SHOC2: variants seen among roughly 807,000 people sequenced by gnomAD.
SHOC2 encodes SHOC2 leucine rich repeat scaffold protein, also known as leucine-rich repeat protein SHOC-2.
SHOC2 carries 4 observed loss-of-function variants against 50.2 expected under a neutral mutation model. The observed-to-expected ratio is 0.08, with a 90% CI of 0.04 to 0.18. The LOEUF (loss-of-function observed/expected upper bound fraction) is 0.18. Among genes scored for constraint, SHOC2 ranks in the 10% least tolerant of loss-of-function variants. The pLI is 1.00. For missense variants in SHOC2, 388 were observed against 669.6 expected (o/e 0.58, Z 4.64); for synonymous variants, 218 against 244.5 (o/e 0.89, Z 1.01).
chr10:110,998,822 C>G (rs559388968), intron 3 of SHOC2, among the ~76,000 whole-genome samples: 1 of 152,250 alleles, frequency 6.6e-6, no homozygotes, highest in African/African-American at 2.4e-5. Flanking sequence ...TTATGTGTAA[C>G]TTCACTCACT....
At chr10:110,999,736 C>CAAAAAAAAAAAAAAAAAAAAAA (rs145780250) in intron 3 of SHOC2, among the ~76,000 whole-genome samples, 8 of 81,674 alleles carry the variant, frequency 9.8e-5, no homozygotes, top group Non-Finnish European at 1.8e-4. Context: ...GACTCAGTCT[C>CAAAAAAAAAAAAAAAAAAAAAA]AAAAAAAAAA....
intron 2 of SHOC2, among the ~76,000 whole-genome samples, chr10:110,968,758 G>C (rs991821660): frequency 3.3e-5 from 5 of 151,990 alleles, no homozygotes; most frequent in Admixed American, 3.3e-4. Context: ...CTATGATTGC[G>C]CCACCGGACT....
chr10:110,940,907 T>G (rs1590786394), intron 1 of SHOC2, among the ~76,000 whole-genome samples: 2 of 14,700 alleles, frequency 1.4e-4, no homozygotes, highest in Admixed American at 1.2e-3. Context: ...GTATTTGTGG[T>G]GGGTTTTTTT....
intron 2 of SHOC2, among the ~76,000 whole-genome samples, chr10:110,967,081 G>A (rs999962256): frequency 2.6e-5 from 4 of 152,140 alleles, no homozygotes; most frequent in African/African-American, 9.7e-5. Flanking sequence ...AAGGATGGCT[G>A]TTGTTTGAGC....
intron 7 of SHOC2, 26 bp from the exon 8 acceptor site, chr10:111,009,685 ACT>A: frequency 1.5e-6 from 2 of 1,314,752 alleles, no homozygotes; most frequent in East Asian, 2.3e-5. Context: ...TATATTTGTA[ACT>A]CTCTTTTATT....
chr10:110,981,009 T>C (rs1847966294), intron 2 of SHOC2, among the ~76,000 whole-genome samples: 1 of 152,220 alleles, frequency 6.6e-6, no homozygotes, highest in Admixed American at 6.5e-5. Flanking sequence ...GAAACTTGTT[T>C]CATTTCCTGC....
chr10:110,964,293 A>C lies in SHOC2; in HGVS notation c.-66A>C. On this transcript the variant is annotated 5_prime_UTR_variant, in exon 2 of 9. Transcript: ENST00000369452. This position sits in a 1 kb window ranked among gnomAD's most constrained non-coding sequence, Gnocchi z 4.9. The stretch of plus-strand genomic sequence containing the variant: ...GATTGTGTAGGATCTTTGTCTCTTC[A>C]TCTTTGAATTCAATTACTGGAAAAT... The C allele has an allele frequency of 6.4e-7, 1 of 1,570,084 alleles. No individual in the cohort carries two copies. Among genetic ancestry groups the C allele is most frequent in the Non-Finnish European group, 8.6e-7 (1 of 1,159,338 alleles).
upstream of SHOC2, chr10:110,919,438 C>T (rs551424417): frequency 2.5e-5 from 10 of 393,550 alleles, no homozygotes; most frequent in Non-Finnish European, 4.0e-5. Flanking sequence ...CTTCTCTTGC[C>T]CCGGTTCCGC....
intron 1 of SHOC2, among the ~76,000 whole-genome samples, chr10:110,956,647 G>C (rs1249094418): frequency 6.6e-6 from 1 of 152,050 alleles, no homozygotes; most frequent in Non-Finnish European, 1.5e-5. Context: ...CTTCTTACAT[G>C]TTAAAAAATG....
At chr10:111,006,034 T>C (rs1373019996) in intron 5 of SHOC2, among the ~76,000 whole-genome samples, 1 of 152,254 alleles carries the variant, frequency 6.6e-6, no homozygotes, top group Non-Finnish European at 1.5e-5. Context: ...AGTCTGGTTA[T>C]ATGAGATTTA....
chr10:111,004,561 C>G, intron 4 of SHOC2, 45 bp from the exon 5 acceptor site: 4 of 1,399,438 alleles, frequency 2.9e-6, no homozygotes, highest in Non-Finnish European at 4.1e-6. Flanking sequence ...AAAAATGAGT[C>G]TCATCACAGT....
intron 4 of SHOC2, among the ~76,000 whole-genome samples, chr10:111,002,988 C>T (rs1198177291): frequency 1.3e-5 from 2 of 152,190 alleles, no homozygotes; most frequent in African/African-American, 2.4e-5. Context: ...TATTTTCAAT[C>T]GTGTAGCCTG....
At chr10:110,998,201 G>C (rs2134165342) in intron 3 of SHOC2, among the ~76,000 whole-genome samples, 1 of 152,148 alleles carries the variant, frequency 6.6e-6, no homozygotes, top group Admixed American at 6.5e-5. Flanking sequence ...GTTTCACCAT[G>C]TTGACCAGAC....
chr10:110,945,625 T>G (rs1245001795), intron 1 of SHOC2, among the ~76,000 whole-genome samples: 1 of 152,168 alleles, frequency 6.6e-6, no homozygotes, highest in Admixed American at 6.5e-5. Context: ...CGCCTCCACT[T>G]GGGCTTTGCC....
intron 1 of SHOC2, among the ~76,000 whole-genome samples, chr10:110,962,976 G>T (rs928864458): frequency 6.6e-6 from 1 of 152,040 alleles, no homozygotes; most frequent in East Asian, 1.9e-4. Flanking sequence ...ATACAGAGAG[G>T]TTCACATCCT....
intron 1 of SHOC2, among the ~76,000 whole-genome samples, chr10:110,925,700 A>G (rs528864070): frequency 6.6e-6 from 1 of 152,198 alleles, no homozygotes; most frequent in South Asian, 2.1e-4. Flanking sequence ...CAAACAATCC[A>G]CCTGCCTTGG....
chr10:111,009,487 C>A, intron 7 of SHOC2, 102 bp downstream of exon 7: 1 of 1,067,708 alleles, frequency 9.4e-7, no homozygotes, highest in Non-Finnish European at 1.4e-6. Flanking sequence ...ATCAGATAGA[C>A]TTTCCTATTC....
At chr10:110,980,778 C>T (rs575235408) in intron 2 of SHOC2, among the ~76,000 whole-genome samples, 26 of 152,184 alleles carry the variant, frequency 1.7e-4, no homozygotes, top group Admixed American at 1.7e-3. Flanking sequence ...CCCTGGGTCT[C>T]AGTTCAAATA....
intron 1 of SHOC2, among the ~76,000 whole-genome samples, chr10:110,942,585 G>A (rs1205642384): frequency 6.6e-6 from 1 of 152,156 alleles, no homozygotes; most frequent in Admixed American, 6.5e-5. Flanking sequence ...AGAGACTGAA[G>A]AGCCGCACGT....
Sources: allele counts gnomAD v4.1 joint callset (sites outside exome capture counted in the v4.1 genomes callset), GRCh38; gene constraint gnomAD v4.1.1; non-coding constraint Gnocchi (gnomAD v3.1); transcripts MANE v1.5; gene names NCBI Gene and HGNC (gene_info 2026-07-23, HGNC 2026-07-21).